The following ZNF804B variants were observed in gnomAD, a reference collection of about 807,000 sequenced individuals.
The protein encoded by ZNF804B is zinc finger protein 804B, also known as zinc finger 804B.
A neutral mutation model predicts 101.4 loss-of-function variants in ZNF804B; 80 were observed. The observed-to-expected ratio is 0.79, with a 90% CI of 0.66 to 0.95. ZNF804B has a LOEUF of 0.95. Ranked by LOEUF, ZNF804B falls within the 40% of genes least tolerant of loss-of-function variation. The pLI is 0.00. For missense variants in ZNF804B, 1,673 were observed against 1,561.9 expected, an observed-to-expected ratio of 1.07 and a Z score of -1.20; for synonymous variants, 622 against 558.8, an observed-to-expected ratio of 1.11 and a Z score of -1.59.
At chr7:88,961,284 A>T (rs1366772717) in intron 1 of ZNF804B, among the ~76,000 whole-genome samples, 1 of 151,336 alleles carries the variant, frequency 6.6e-6, no homozygotes, top group African/African-American at 2.4e-5. Flanking sequence ...TTAGTGTCTT[A>T]TTATTTTAAA....
intron 1 of ZNF804B, among the ~76,000 whole-genome samples, chr7:88,847,676 A>C (rs1337141265): frequency 6.6e-6 from 1 of 152,104 alleles, no homozygotes; most frequent in Non-Finnish European, 1.5e-5. Context: ...TAATAAAATA[A>C]ATTATGATAA....
At chr7:89,127,537 A>G (rs1177256835) in intron 1 of ZNF804B, among the ~76,000 whole-genome samples, 1 of 151,912 alleles carries the variant, frequency 6.6e-6, no homozygotes, top group East Asian at 1.9e-4. Context: ...TTTGCACTCA[A>G]TTTTGATTTT....
intron 1 of ZNF804B, among the ~76,000 whole-genome samples, chr7:89,183,427 A>G (rs959911309): frequency 6.6e-6 from 1 of 152,180 alleles, no homozygotes; most frequent in Non-Finnish European, 1.5e-5. Context: ...AAGTAATCGA[A>G]TTTGGTCTGT....
chr7:89,060,716 C>G (rs544908577), intron 1 of ZNF804B, among the ~76,000 whole-genome samples: 1 of 152,126 alleles, frequency 6.6e-6, no homozygotes, highest in South Asian at 2.1e-4. Flanking sequence ...ATATATTGTA[C>G]GAAGATTTTT....
At chr7:89,005,270 A>G (rs970085043) in intron 1 of ZNF804B, among the ~76,000 whole-genome samples, 6 of 152,044 alleles carry the variant, frequency 3.9e-5, no homozygotes, top group Non-Finnish European at 8.8e-5. Context: ...CAAGGTTACA[A>G]AGCACTGAGT....
intron 1 of ZNF804B, among the ~76,000 whole-genome samples, chr7:88,814,759 CTA>C (rs1313161881): frequency 5.3e-5 from 8 of 151,906 alleles, no homozygotes; most frequent in African/African-American, 1.9e-4. Flanking sequence ...TATTAAGTGT[CTA>C]ATGTAAACTC....
intron 1 of ZNF804B, among the ~76,000 whole-genome samples, chr7:88,836,532 A>G (rs1232586929): frequency 6.6e-6 from 1 of 151,948 alleles, no homozygotes; most frequent in East Asian, 1.9e-4. Flanking sequence ...AATTATTATC[A>G]TTCTAGGAAG....
intron 1 of ZNF804B, among the ~76,000 whole-genome samples, chr7:89,007,265 CA>C (rs1287356740): frequency 2.0e-5 from 3 of 151,374 alleles, no homozygotes; most frequent in East Asian, 1.9e-4. Context: ...TTACATTTTA[CA>C]AAACATAAGA....
At chr7:88,936,553 G>T (rs1792974158) in intron 1 of ZNF804B, among the ~76,000 whole-genome samples, 1 of 151,938 alleles carries the variant, frequency 6.6e-6, no homozygotes, top group Non-Finnish European at 1.5e-5. Flanking sequence ...GAAATCAATG[G>T]GCCCAGGAGA....
chr7:89,131,970 A>T (rs963473944), intron 1 of ZNF804B, among the ~76,000 whole-genome samples: 3 of 152,026 alleles, frequency 2.0e-5, no homozygotes, highest in Non-Finnish European at 4.4e-5. Flanking sequence ...GATAGCATAT[A>T]TAAACTGCAT....
At chr7:88,997,329 T>G (rs915333466) in intron 1 of ZNF804B, among the ~76,000 whole-genome samples, 2 of 152,144 alleles carry the variant, frequency 1.3e-5, no homozygotes. Context: ...TTTTCTAACT[T>G]AACAAGTCTT....
chr7:89,155,806 G>T (rs190909001), intron 1 of ZNF804B, among the ~76,000 whole-genome samples: 20 of 152,124 alleles, frequency 1.3e-4, no homozygotes, highest in African/African-American at 4.3e-4. Flanking sequence ...AGGAACATTT[G>T]CTTTTTTTCT....
At chr7:89,064,900 A>G (rs763036683) in intron 1 of ZNF804B, among the ~76,000 whole-genome samples, 1 of 152,192 alleles carries the variant, frequency 6.6e-6, no homozygotes, top group Non-Finnish European at 1.5e-5. Context: ...CTTAAGAGTC[A>G]TCGAGAAAGG....
At chr7:88,884,306 T>G (rs187249250) in intron 1 of ZNF804B, among the ~76,000 whole-genome samples, 4 of 151,932 alleles carry the variant, frequency 2.6e-5, no homozygotes, top group Admixed American at 2.6e-4. Flanking sequence ...AGGATATTAT[T>G]TAATTTCCTT....
In ZNF804B at chr7:89,336,990, T is replaced by A. The variant is rs751431005; in HGVS notation, c.4008T>A (p.Asn1336Lys). Residue 1336 changes from asparagine (N) to lysine (K), a missense_variant, in exon 4 of 4, where the codon AAT (asparagine) becomes AAA (lysine). Transcript: ENST00000333190. ...HSCSSQMQQL[N>K]EVKEALNVST... ...GCTCTAGCCAGATGCAACAGCTAAA[T>A]GAAGTGAAAGAGGCCTTAAATGTGT... 2 of 1,614,060 alleles carry A rather than the reference T, an allele frequency of 1.2e-6. No individual in the cohort carries two copies. Among genetic ancestry groups the A allele is most frequent in the Middle Eastern group, 1.6e-4 (1 of 6,062 alleles).
intron 1 of ZNF804B, among the ~76,000 whole-genome samples, chr7:88,990,943 G>A (rs113258303): frequency 6.6e-6 from 1 of 151,820 alleles, no homozygotes; most frequent in Non-Finnish European, 1.5e-5. Context: ...TTGTTCTTTG[G>A]TCATAGGTAG....
At chr7:89,077,366 G>A (rs1441389677) in intron 1 of ZNF804B, among the ~76,000 whole-genome samples, 1 of 151,892 alleles carries the variant, frequency 6.6e-6, no homozygotes, top group Admixed American at 6.6e-5. Context: ...TTTTTCAAAT[G>A]TAGATGTTTC....
chr7:89,261,264 T>G (rs1187656762), intron 2 of ZNF804B, among the ~76,000 whole-genome samples: 1 of 152,198 alleles, frequency 6.6e-6, no homozygotes, highest in Non-Finnish European at 1.5e-5. Context: ...AAATTTTAAC[T>G]TTTTGTAATA....
At chr7:89,015,329 T>A (rs924321723) in intron 1 of ZNF804B, among the ~76,000 whole-genome samples, 1 of 151,312 alleles carries the variant, frequency 6.6e-6, no homozygotes, top group Non-Finnish European at 1.5e-5. Context: ...TTATTTTATT[T>A]TTATTTTATT....
Sources: gnomAD v4.1 joint callset for allele counts (sites outside exome capture counted in the v4.1 genomes callset) on GRCh38, gnomAD v4.1.1 for gene constraint, MANE v1.5 for transcripts, NCBI Gene and HGNC (gene_info 2026-07-23, HGNC 2026-07-21) for gene names.